TOGARAM2: variants seen among roughly 807,000 people sequenced by gnomAD.
The protein encoded by TOGARAM2 is TOG array regulator of axonemal microtubules 2.
A neutral mutation model predicts 93.3 loss-of-function variants in TOGARAM2; 85 were observed. The ratio of observed to expected loss-of-function variants is 0.91; its 90% CI spans 0.76 to 1.09. The LOEUF is 1.09. TOGARAM2 is among the 50% of genes least tolerant of loss of function. The pLI is 0.00. For missense variants in TOGARAM2, 1,277 were observed against 1,334.5 expected (o/e 0.96, Z 0.67); for synonymous variants, 593 against 552.8 (o/e 1.07, Z -1.02).
At chr2:29,030,587 C>T (rs976350357) in intron 14 of TOGARAM2, among the ~76,000 whole-genome samples, 4 of 152,180 alleles carry the variant, frequency 2.6e-5, no homozygotes, top group African/African-American at 7.2e-5. Flanking sequence ...CCATCCCTTA[C>T]ACTAGATGAT....
intron 18 of TOGARAM2, among the ~76,000 whole-genome samples, chr2:29,039,692 T>C (rs1255328727): frequency 6.6e-6 from 1 of 152,228 alleles, no homozygotes; most frequent in African/African-American, 2.4e-5. Flanking sequence ...CTGCCATCTC[T>C]CACTGCCAGC....
At chr2:28,994,258 C>T (rs377059895) in intron 1 of TOGARAM2, among the ~76,000 whole-genome samples, 5 of 152,030 alleles carry the variant, frequency 3.3e-5, no homozygotes, top group East Asian at 1.9e-4. Flanking sequence ...AGGTCATGAC[C>T]GCGCATCCTG....
chr2:28,998,339 C>G, intron 3 of TOGARAM2, 86 bp downstream of exon 3: 1 of 857,104 alleles, frequency 1.2e-6, no homozygotes, highest in Non-Finnish European at 1.8e-6. Context: ...GCTGTGTTCT[C>G]GAGCTACCAG....
At chr2:28,989,868 C>T (rs1672638477) in intron 1 of TOGARAM2, among the ~76,000 whole-genome samples, 1 of 152,270 alleles carries the variant, frequency 6.6e-6, no homozygotes, top group Admixed American at 6.5e-5. Context: ...AACGTGCCTT[C>T]AGTCACACAG....
At chr2:28,972,731 T>TG (rs1671966099) in intron 1 of TOGARAM2, among the ~76,000 whole-genome samples, 1 of 152,182 alleles carries the variant, frequency 6.6e-6, no homozygotes, top group Non-Finnish European at 1.5e-5. Flanking sequence ...GGCTCCACCT[T>TG]GCATGTAGGG....
At chr2:29,029,520 G>C (rs1665620473) in intron 14 of TOGARAM2, among the ~76,000 whole-genome samples, 1 of 152,004 alleles carries the variant, frequency 6.6e-6, no homozygotes, top group Admixed American at 6.6e-5. Context: ...ACTTTGGGAG[G>C]CCGAGGCTGG....
intron 9 of TOGARAM2, 148 bp from the exon 10 acceptor site, chr2:29,017,644 C>G: frequency 1.3e-6 from 1 of 762,314 alleles, no homozygotes. Flanking sequence ...CTCCTGGCCT[C>G]AAGCCATCCT....
chr2:28,987,701 G>A (rs1672532107), intron 1 of TOGARAM2, among the ~76,000 whole-genome samples: 1 of 152,220 alleles, frequency 6.6e-6, no homozygotes, highest in Non-Finnish European at 1.5e-5. Flanking sequence ...TTGCTGGCTG[G>A]CTGCACCCTA....
chr2:29,014,520 C>T lies in TOGARAM2; in HGVS notation c.1003C>T (p.Pro335Ser). 6.4e-7 allele frequency: 1 copy of T among 1,574,516 alleles called. No individual in the cohort carries two copies. Among genetic ancestry groups the T allele is most frequent in the Non-Finnish European group, 8.6e-7 (1 of 1,159,992 alleles). ...FSFDCAREAC[P>S]PLKEEDQKEI... ...CTTTGACTGTGCCAGAGAAGCCTGC[C>T]CTCCGCTGAAAGAAGAGGACCAGAA... The change falls in exon 8 of 20, where the codon CCT becomes TCT. Residue 335 changes from proline to serine, a missense_variant. Transcript: ENST00000379558.
Position 29,052,189 on chromosome 2 carries a change from T to C in TOGARAM2, c.*96T>C. 1 of 965,558 alleles carries C rather than the reference T, an allele frequency of 1.0e-6. No individual in the cohort carries two copies. The highest frequency in any genetic ancestry group is 1.4e-6 in the Non-Finnish European group (1 of 689,844). The allele number at this position is 965,558 out of a possible 1,614,324, so 59.8% of individuals were successfully genotyped here. ...CCCTTAGAGTTCCAGATGTACATGG[T>C]ATATTTTGAAGTAGAAATAAAAGAA... On this transcript the variant is annotated 3_prime_UTR_variant, in exon 20 of 20. Transcript: ENST00000379558.
chr2:29,016,251 A>AT (rs576907858), intron 8 of TOGARAM2, among the ~76,000 whole-genome samples: 2 of 152,116 alleles, frequency 1.3e-5, no homozygotes, highest in Non-Finnish European at 2.9e-5. Flanking sequence ...CCTGAGAAGC[A>AT]TGTCCAGAAT....
intron 1 of TOGARAM2, among the ~76,000 whole-genome samples, chr2:28,967,682 C>T (rs1446497820): frequency 2.0e-5 from 3 of 151,808 alleles, no homozygotes; most frequent in Admixed American, 1.3e-4. Flanking sequence ...CAGTTTCCAG[C>T]GCTTACTCCG....
At chr2:29,032,266 T>C (rs1665810360) in intron 14 of TOGARAM2, among the ~76,000 whole-genome samples, 2 of 152,220 alleles carry the variant, frequency 1.3e-5, no homozygotes, top group African/African-American at 4.8e-5. Flanking sequence ...CTCTGCTCAC[T>C]ATTCTCCAAT....
intron 4 of TOGARAM2, among the ~76,000 whole-genome samples, chr2:29,000,662 C>T (rs1411588556): frequency 2.6e-5 from 4 of 152,102 alleles, no homozygotes; most frequent in South Asian, 4.1e-4. Context: ...TGGTTGCTGC[C>T]GTCAAGCCTG....
At chr2:29,013,460 G>C (rs1192891424) in intron 7 of TOGARAM2, among the ~76,000 whole-genome samples, 1 of 152,182 alleles carries the variant, frequency 6.6e-6, no homozygotes, top group African/African-American at 2.4e-5. Context: ...GGCTGGTAGT[G>C]GCTCAGTCCA....
At chr2:28,973,094 C>A (rs1671971841) in intron 1 of TOGARAM2, among the ~76,000 whole-genome samples, 1 of 152,152 alleles carries the variant, frequency 6.6e-6, no homozygotes, top group Admixed American at 6.6e-5. Context: ...AGTCCTGCAC[C>A]TTCACATCCT....
intron 14 of TOGARAM2, among the ~76,000 whole-genome samples, chr2:29,032,512 G>A (rs1665828870): frequency 6.6e-6 from 1 of 152,142 alleles, no homozygotes; most frequent in African/African-American, 2.4e-5. Flanking sequence ...ACTTCTAAAT[G>A]TTCCATATTA....
At chr2:28,977,129 G>A (rs750598708), upstream of TOGARAM2, among the ~76,000 whole-genome samples, 1 of 152,230 alleles carries the variant, frequency 6.6e-6, no homozygotes, top group Non-Finnish European at 1.5e-5. Flanking sequence ...GTCACCCAGT[G>A]TCTGATCACA....
Position 29,017,935 on chromosome 2 carries a change from C to T in TOGARAM2, c.1339C>T (p.Arg447Cys), listed in dbSNP as rs749140014. ...PSIPISRQEPRFARHASANSL... is the reference protein window; with the variant it reads ...PSIPISRQEPCFARHASANSL... Reference sequence around the variant, plus strand: ...CATCCCCATCAGCCGGCAGGAGCCCCGCTTTGCCCGCCACGCCTCAGGTGG... The same window carrying T: ...CATCCCCATCAGCCGGCAGGAGCCCTGCTTTGCCCGCCACGCCTCAGGTGG... Residue 447 changes from arginine to cysteine, a missense_variant, in exon 10 of 20, where the codon CGC becomes TGC. Arg to Cys is a radical substitution (Grantham distance 180, BLOSUM62 -3). Coordinates refer to ENST00000379558, the MANE Select transcript of TOGARAM2 (RefSeq NM_199280.4). The T allele has an allele frequency of 1.7e-5, 28 of 1,605,260 alleles. No individual in the cohort carries two copies. Among genetic ancestry groups the T allele is most frequent in the African/African-American group, 1.6e-4 (12 of 74,782 alleles).
Sources: gnomAD v4.1 joint callset for allele counts (sites outside exome capture counted in the v4.1 genomes callset) on GRCh38, gnomAD v4.1.1 for gene constraint, MANE v1.5 for transcripts, NCBI Gene and HGNC (gene_info 2026-07-23, HGNC 2026-07-21) for gene names.